The following LRIG3 variants were observed in gnomAD, a reference collection of about 807,000 sequenced individuals.
LRIG3 encodes leucine rich repeats and immunoglobulin like domains 3, also known as leucine-rich repeats and immunoglobulin-like domains protein 3.
In LRIG3, 76 loss-of-function variants were observed where a neutral mutation model predicts 114.5. The observed-to-expected ratio is 0.66, with a 90% CI of 0.55 to 0.80. The LOEUF (loss-of-function observed/expected upper bound fraction) is 0.80. Among genes scored for constraint, LRIG3 ranks in the 30% least tolerant of loss-of-function variants. The probability of loss-of-function intolerance (pLI) is 0.00; values close to 1 mark genes in which losing one functional copy is unlikely to be tolerated. For synonymous variants in LRIG3, 512 were observed against 519.8 expected (o/e 0.98, Z 0.20); for missense variants, 1,239 against 1,382.8 (o/e 0.90, Z 1.65).
intron 3 of LRIG3, among the ~76,000 whole-genome samples, chr12:58,912,284 C>T (rs1355094245): frequency 1.3e-5 from 2 of 152,158 alleles, no homozygotes; most frequent in East Asian, 3.9e-4. Flanking sequence ...ATTACGAGGT[C>T]AGGAGATCGA....
chr12:58,885,879 C>T lies in LRIG3; in HGVS notation c.1196G>A (p.Arg399His), dbSNP rs371085189. ...RRLILQGNRI[R>H]SITKKAFTGL... Reference sequence around the variant, plus strand: ...AGTGAAGGCTTTTTTAGTAATAGAACGGATCCGATTTCCTTGGAGTATCCT... The same window carrying T: ...AGTGAAGGCTTTTTTAGTAATAGAATGGATCCGATTTCCTTGGAGTATCCT... The change falls in exon 10 of 19, where the codon CGT becomes CAT. Residue 399 changes from arginine (R) to histidine (H), a missense_variant. Transcript: ENST00000320743. 80 of 1,586,772 alleles carry T rather than the reference C, an allele frequency of 5.0e-5. 1 individual carries two copies. Among genetic ancestry groups the T allele is most frequent in the South Asian group, 1.3e-4 (12 of 89,182 alleles).
At chr12:58,892,332 C>T (rs1035124640) in intron 3 of LRIG3, among the ~76,000 whole-genome samples, 3 of 152,230 alleles carry the variant, frequency 2.0e-5, no homozygotes, top group African/African-American at 7.2e-5. Flanking sequence ...AAACAGAATT[C>T]TGTGTCTTAC....
At chr12:58,895,464 G>A (rs1050103545) in intron 3 of LRIG3, among the ~76,000 whole-genome samples, 1 of 152,188 alleles carries the variant, frequency 6.6e-6, no homozygotes, top group African/African-American at 2.4e-5. Flanking sequence ...GCAAGTGAGA[G>A]CAGAGCAAAG....
rs550224899 is a variant in LRIG3, at chr12:58,877,624, T to G, written c.2312A>C (p.Asn771Thr). Reference protein sequence around the residue: ...DAGKYTCEMSNTLGTERGNVR... With the variant: ...DAGKYTCEMSTTLGTERGNVR... ...GTTTCCTCTCTCAGTGCCAAGGGTG[T>G]TAGACATCTCACATGTGTATTTCCC... The change falls in exon 15 of 19, where the codon AAC (asparagine) becomes ACC (threonine). Residue 771 changes from asparagine (N) to threonine (T), a missense_variant. Coordinates refer to ENST00000320743, the MANE Select transcript of LRIG3 (RefSeq NM_153377.5). The G allele has an allele frequency of 6.2e-7, 1 of 1,614,150 alleles. No homozygotes were observed. The highest frequency in any genetic ancestry group is 1.1e-5 in the South Asian group (1 of 91,084).
chr12:58,905,529 C>T (rs1331016912), intron 3 of LRIG3, among the ~76,000 whole-genome samples: 1 of 152,142 alleles, frequency 6.6e-6, no homozygotes, highest in Non-Finnish European at 1.5e-5. Flanking sequence ...GCTGCAGTCC[C>T]CTGCTGTGGT....
chr12:58,887,548 G>A (rs1354539185), intron 8 of LRIG3, among the ~76,000 whole-genome samples: 1 of 152,130 alleles, frequency 6.6e-6, no homozygotes, highest in Non-Finnish European at 1.5e-5. Flanking sequence ...ATTTCCTGGA[G>A]ATCCTGAGAA....
In LRIG3 at chr12:58,877,409, T is replaced by C; in HGVS notation, c.2527A>G (p.Thr843Ala). The stretch of plus-strand genomic sequence containing the variant: ...GCTTCTGTTTACACACCTGTGTTGG[T>C]AATGCTGCAATCTTCATTCCTCCGC... ...TRRRNEDCSI[T>A]NTDETNLPAD... Residue 843 changes from threonine (T) to alanine (A), a missense_variant, in exon 15 of 19, where the codon ACC (threonine) becomes GCC (alanine). Transcript: ENST00000320743. 1 of 1,613,768 alleles carries C rather than the reference T, an allele frequency of 6.2e-7. No homozygotes were observed.
At chr12:58,881,267 T>G (rs1200169168) in intron 12 of LRIG3, among the ~76,000 whole-genome samples, 1 of 152,142 alleles carries the variant, frequency 6.6e-6, no homozygotes, top group Non-Finnish European at 1.5e-5. Flanking sequence ...AATGCTACTA[T>G]CAGAAACTGC....
In LRIG3 at chr12:58,886,806, T is replaced by G. The variant is rs761867550; in HGVS notation, c.1172+4A>C. 1 of 1,612,984 alleles carries G rather than the reference T, an allele frequency of 6.2e-7. No individual in the cohort carries two copies. The highest frequency in any genetic ancestry group is 1.7e-5 in the Admixed American group (1 of 59,918). On this transcript the variant is annotated splice_donor_region_variant and intron_variant, in intron 9 of 18. Coordinates refer to ENST00000320743, the MANE Select transcript of LRIG3 (RefSeq NM_153377.5). ...AGCTAAATTATGAGGCAATTCATAC[T>G]CACAGTCGCCTCAGTTTGTCAAGCC...
In LRIG3 at chr12:58,874,509, A is replaced by G. The variant is rs1483873600; in HGVS notation, c.2760T>C (p.Cys920=). 1.2e-6 allele frequency: 2 copies of G among 1,614,184 alleles called. No individual in the cohort carries two copies. The highest frequency in any genetic ancestry group is 1.7e-6 in the Non-Finnish European group (2 of 1,180,034). ...DVEAATDLFL[C]PFLGSTGPMY... Reference sequence around the variant, plus strand: ...TAGGGCCTGTGGATCCCAAAAACGGACAAAGGAACAGATCTGTGGCAGCTT... The same window carrying G: ...TAGGGCCTGTGGATCCCAAAAACGGGCAAAGGAACAGATCTGTGGCAGCTT... The change falls in exon 17 of 19, where the codon TGT becomes TGC. Residue 920 remains cysteine (C), a synonymous_variant. Coordinates refer to ENST00000320743, the MANE Select transcript of LRIG3 (RefSeq NM_153377.5).
At chr12:58,906,903 G>A (rs1872088052) in intron 3 of LRIG3, among the ~76,000 whole-genome samples, 1 of 150,938 alleles carries the variant, frequency 6.6e-6, no homozygotes, top group Non-Finnish European at 1.5e-5. Flanking sequence ...CAAACACAAG[G>A]AGAAAAGTAG....
At chr12:58,890,551 AATT>A in intron 4 of LRIG3, 111 bp downstream of exon 4, 1 of 1,013,036 alleles carries the variant, frequency 9.9e-7, no homozygotes, top group Non-Finnish European at 1.4e-6. Flanking sequence ...CAAGTCAATA[AATT>A]ATACTTTCAA....
At chr12:58,898,498 C>A (rs914143935) in intron 3 of LRIG3, among the ~76,000 whole-genome samples, 1 of 152,218 alleles carries the variant, frequency 6.6e-6, no homozygotes, top group African/African-American at 2.4e-5. Context: ...CATTACCTGG[C>A]TGTCTAGTCT....
intron 4 of LRIG3, among the ~76,000 whole-genome samples, chr12:58,890,423 T>A (rs1207236151): frequency 6.6e-6 from 1 of 152,176 alleles, no homozygotes; most frequent in Non-Finnish European, 1.5e-5. Flanking sequence ...ATTGTTTTTT[T>A]AAAAATGAGC....
rs1870827731 is a variant in LRIG3 at position 58,874,131 on chromosome 12, C to T, written c.3039G>A (p.Leu1013=). Residue 1013 remains leucine, a synonymous_variant, in exon 18 of 19, where the codon CTG becomes CTA. Coordinates refer to ENST00000320743, the MANE Select transcript of LRIG3 (RefSeq NM_153377.5). ...SHNEGPGMKN[L]CLNKSSLDFS... is the part of the protein sequence containing the mutation. ...AATCTAAAGAGGACTTGTTTAGACA[C>T]AGATTTTTCATTCCAGGTCCTTCAT... 2.5e-6 allele frequency: 4 copies of T among 1,614,212 alleles called. No homozygotes were observed. The highest frequency in any genetic ancestry group is 3.4e-6 in the Non-Finnish European group (4 of 1,180,046).
Position 58,874,361 on chromosome 12 carries a change from G to T in LRIG3, c.2840-31C>A, listed in dbSNP as rs201291215. The T allele has an allele frequency of 1.3e-5, 21 of 1,608,258 alleles. No homozygotes were observed. In the East Asian group the frequency reaches 3.1e-4, roughly 24 times the overall value. ...TAATATGGGGGCAGTAACAGAAGGA[G>T]ATTACAGTTAGCACATCTAGAAGTC... On this transcript the variant is annotated intron_variant, in intron 17 of 18. Transcript: ENST00000320743.
intron 3 of LRIG3, among the ~76,000 whole-genome samples, chr12:58,892,215 C>T (rs537364949): frequency 6.6e-6 from 1 of 152,030 alleles, no homozygotes; most frequent in African/African-American, 2.4e-5. Flanking sequence ...TTTTTTAGAC[C>T]ATCTTTTGGC....
intron 3 of LRIG3, among the ~76,000 whole-genome samples, chr12:58,903,525 C>T (rs999850636): frequency 6.6e-6 from 1 of 152,100 alleles, no homozygotes; most frequent in African/African-American, 2.4e-5. Context: ...TGCCTGTTCA[C>T]TCTGATGGTA....
intron 3 of LRIG3, among the ~76,000 whole-genome samples, chr12:58,907,836 A>T (rs151335196): frequency 8.7e-4 from 133 of 152,232 alleles, no homozygotes; most frequent in Non-Finnish European, 1.6e-3. Flanking sequence ...CTTAGTGAGC[A>T]CCTTCTGTGT....
Sources: gnomAD v4.1 joint callset for allele counts (sites outside exome capture counted in the v4.1 genomes callset) on GRCh38, gnomAD v4.1.1 for gene constraint, MANE v1.5 for transcripts, NCBI Gene and HGNC (gene_info 2026-07-23, HGNC 2026-07-21) for gene names.